Variants in ZSCAN4 observed in about 807,000 individuals in gnomAD.
The protein encoded by ZSCAN4 is zinc finger and SCAN domain-containing protein 4.
A neutral mutation model predicts 18.3 loss-of-function variants in ZSCAN4; 18 were observed. The ratio of observed to expected loss-of-function variants is 0.98; its 90% confidence interval spans 0.68 to 1.46. ZSCAN4 has a LOEUF of 1.46. Ranked by LOEUF, ZSCAN4 falls within the 40% of genes most tolerant of loss-of-function variation. The pLI is 0.00. For synonymous variants in ZSCAN4, 193 were observed against 180.3 expected, an observed-to-expected ratio of 1.07 and a Z score of -0.57; for missense variants, 498 against 511.4, an observed-to-expected ratio of 0.97 and a Z score of 0.25.
the ZSCAN4 span, among the ~76,000 whole-genome samples, chr19:57,658,351 A>C: frequency 2.5e-4 from 38 of 152,294 alleles, no homozygotes; most frequent in Non-Finnish European, 1.5e-5. Flanking sequence ...TGCAAAGGGC[A>C]GAAGAGTACA....
chr19:57,678,991 CTCCT>C, exon 5 of ZSCAN4: 2 of 1,368,734 alleles, frequency 1.5e-6, no homozygotes, highest in Non-Finnish European at 1.9e-6. Context: ...AAGATATAAT[CTCCT>C]GATTATGCTT....
At chr19:57,669,573 C>T (rs1245370681) in intron 1 of ZSCAN4, among the ~76,000 whole-genome samples, 4 of 152,008 alleles carry the variant, frequency 2.6e-5, no homozygotes, top group Admixed American at 1.3e-4. Context: ...ACTACAGGCA[C>T]GCGCCACTAC....
exon 1 of ZSCAN4, chr19:57,669,058 C>CTTTTTT (rs111969859): frequency 2.9e-5 from 2 of 68,588 alleles, no homozygotes; most frequent in African/African-American, 6.7e-5. Flanking sequence ...TTATATTTTC[C>CTTTTTT]TTTTTTTTTT....
chr19:57,659,414 C>A, the ZSCAN4 span, among the ~76,000 whole-genome samples: 2 of 152,126 alleles, frequency 1.3e-5, no homozygotes, highest in African/African-American at 4.8e-5. Flanking sequence ...AGGGGCAGAG[C>A]CTTGCTATGT....
rs145776025 is a variant in ZSCAN4 at position 57,671,062 on chromosome 19, A to G, written c.-106+495A>G. On this transcript the variant is annotated intron_variant, in intron 2 of 4. Transcript: ENST00000318203. Reference sequence around the variant, plus strand: ...TTTTTTGTAGAGGCAGGATTTTGCCATGTTGCCCAGTGTGGTCTCAAACTC... The same window carrying G: ...TTTTTTGTAGAGGCAGGATTTTGCCGTGTTGCCCAGTGTGGTCTCAAACTC... 1.7e-4 allele frequency among the ~76,000 whole-genome samples: 26 copies of G among 152,124 alleles called. 1 individual carries two copies. The highest frequency in any genetic ancestry group is 6.3e-4 in the African/African-American group (26 of 41,498).
chr19:57,677,977 A>G, exon 4 of ZSCAN4: 1 of 1,601,070 alleles, frequency 6.2e-7, no homozygotes, highest in East Asian at 2.2e-5. Flanking sequence ...AAGAGATGTC[A>G]TTGTTCATCT....
At chr19:57,672,639 G>A (rs536902437) in intron 2 of ZSCAN4, among the ~76,000 whole-genome samples, 7 of 140,742 alleles carry the variant, frequency 5.0e-5, no homozygotes, top group African/African-American at 1.6e-4. Context: ...ATCTTGCTCT[G>A]TCACCTAAGC....
At chr19:57,655,346 A>C in the ZSCAN4 span, among the ~76,000 whole-genome samples, 2 of 152,124 alleles carry the variant, frequency 1.3e-5, no homozygotes, top group African/African-American at 2.4e-5. Context: ...TGTCGCCAGC[A>C]CTGGGACTAC....
the ZSCAN4 span, among the ~76,000 whole-genome samples, chr19:57,651,978 GA>G: frequency 2.6e-5 from 4 of 152,028 alleles, no homozygotes; most frequent in Admixed American, 2.0e-4. Flanking sequence ...GGGTAACCCT[GA>G]CCTGCCTTCT....
At chr19:57,653,633 A>G in the ZSCAN4 span, among the ~76,000 whole-genome samples, 1 of 152,196 alleles carries the variant, frequency 6.6e-6, no homozygotes, top group Non-Finnish European at 1.5e-5. Context: ...ATAGGGAGGA[A>G]GAACCGAAAA....
chr19:57,676,234 G>A (rs768896726), exon 3 of ZSCAN4: 2 of 1,614,088 alleles, frequency 1.2e-6, no homozygotes, highest in Admixed American at 1.7e-5. Context: ...CAAAGCCAAG[G>A]ACCTGCTGTT....
chr19:57,653,342 A>G, the ZSCAN4 span, among the ~76,000 whole-genome samples: 1 of 145,382 alleles, frequency 6.9e-6, no homozygotes, highest in African/African-American at 2.6e-5. Flanking sequence ...AGCTGAGATC[A>G]CTCCACTGCA....
chr19:57,676,238 T>A, exon 3 of ZSCAN4: 1 of 1,614,162 alleles, frequency 6.2e-7, no homozygotes, highest in Non-Finnish European at 8.5e-7. Flanking sequence ...GCCAAGGACC[T>A]GCTGTTCAGA....
At chr19:57,660,730 T>A in the ZSCAN4 span, among the ~76,000 whole-genome samples, 1 of 152,228 alleles carries the variant, frequency 6.6e-6, no homozygotes, top group African/African-American at 2.4e-5. Flanking sequence ...TCCTCAAAGT[T>A]TCTGAATTGC....
intron 1 of ZSCAN4, among the ~76,000 whole-genome samples, chr19:57,669,437 T>G (rs577925038): frequency 7.1e-5 from 10 of 140,978 alleles, no homozygotes; most frequent in Admixed American, 2.1e-4. Flanking sequence ...TTTGTTTGTT[T>G]GTTGGTTTTT....
the ZSCAN4 span, among the ~76,000 whole-genome samples, chr19:57,654,320 A>G: frequency 6.6e-6 from 1 of 151,896 alleles, no homozygotes; most frequent in Non-Finnish European, 1.5e-5. Flanking sequence ...TACTCTGTCA[A>G]CTGGACACTT....
At chr19:57,651,564 C>G in the ZSCAN4 span, among the ~76,000 whole-genome samples, 1 of 152,188 alleles carries the variant, frequency 6.6e-6, no homozygotes, top group Non-Finnish European at 1.5e-5. Flanking sequence ...AGCTGGTGTC[C>G]CCGTCTACAG....
the ZSCAN4 span, among the ~76,000 whole-genome samples, chr19:57,651,484 A>G: frequency 1.3e-5 from 2 of 152,184 alleles, no homozygotes; most frequent in Admixed American, 6.5e-5. Flanking sequence ...CCAGTCTACA[A>G]CAAGCCCAGA....
intron 2 of ZSCAN4, among the ~76,000 whole-genome samples, chr19:57,675,243 G>T (rs1600008391): frequency 6.6e-6 from 1 of 150,960 alleles, no homozygotes; most frequent in African/African-American, 2.4e-5. Flanking sequence ...CACCTCCCGG[G>T]CTCAAGCAAT....
Sources: allele counts gnomAD v4.1 joint callset (sites outside exome capture counted in the v4.1 genomes callset), GRCh38; gene constraint gnomAD v4.1.1; transcripts MANE v1.5; gene names NCBI Gene and HGNC (gene_info 2026-07-23, HGNC 2026-07-21).